The following TENM2 variants were observed in gnomAD, a reference collection of about 807,000 sequenced individuals.
The protein encoded by TENM2 is teneurin transmembrane protein 2, also known as teneurin-2.
TENM2 carries 52 observed loss-of-function variants against 245.2 expected under a neutral mutation model. That is an observed-to-expected ratio of 0.21 (90% CI 0.17 to 0.27). The LOEUF is 0.27. TENM2 is among the 10% of genes least tolerant of loss of function. The pLI, the probability that TENM2 is intolerant of heterozygous loss-of-function variation, is 1.00. For missense variants in TENM2, 3,046 were observed against 3,666.8 expected (o/e 0.83, Z 4.37); for synonymous variants, 1,363 against 1,438.9 (o/e 0.95, Z 1.19).
chr5:167,153,525 G>A, the TENM2 span, among the ~76,000 whole-genome samples: 2 of 151,960 alleles, frequency 1.3e-5, no homozygotes, highest in South Asian at 4.2e-4. Context: ...GGTGGAAGGG[G>A]AGACACGAGA....
intron 2 of TENM2, among the ~76,000 whole-genome samples, chr5:167,523,725 C>T (rs544565081): frequency 1.9e-4 from 29 of 152,234 alleles, no homozygotes; most frequent in Non-Finnish European, 3.4e-4. Context: ...ATTTCTTTAG[C>T]ACCTAATAGA....
intron 2 of TENM2, among the ~76,000 whole-genome samples, chr5:167,727,460 C>A (rs1367790093): frequency 1.3e-5 from 2 of 152,174 alleles, no homozygotes; most frequent in Non-Finnish European, 2.9e-5. Flanking sequence ...TGTCAGCTCC[C>A]CTAGGCATCT....
chr5:168,229,593 CAAAG>C (rs1554227998), intron 25 of TENM2: 2 of 150,962 alleles, frequency 1.3e-5, no homozygotes, highest in Admixed American at 1.3e-4. Flanking sequence ...AACAATGGAA[CAAAG>C]AAAGAGTTTA....
intron 2 of TENM2, among the ~76,000 whole-genome samples, chr5:167,431,612 A>C (rs1252234854): frequency 1.3e-5 from 2 of 151,980 alleles, no homozygotes; most frequent in Admixed American, 6.6e-5. Flanking sequence ...GATTGCATTC[A>C]ATCTTGAAAT....
At chr5:168,102,434 G>A (rs1793898320) in intron 9 of TENM2, among the ~76,000 whole-genome samples, 1 of 152,164 alleles carries the variant, frequency 6.6e-6, no homozygotes, top group Non-Finnish European at 1.5e-5. Flanking sequence ...AAAACTATAG[G>A]AAATGTTAGC....
In TENM2 at chr5:168,247,593, C is replaced by T; in HGVS notation, c.6654C>T (p.Asp2218=). The change falls in exon 27 of 29, where the codon GAC becomes GAT. Residue 2218 remains aspartate (D), a synonymous_variant. Coordinates refer to ENST00000518659, the Ensembl canonical transcript of TENM2. The surrounding 1 kb of genome is among the most constrained non-coding windows in gnomAD (Gnocchi z 7.8). ...AGCTCCAGAGCGTGGCCGTCAATGA[C>T]CGCCCGACCTGGCGCTACAGCTATG... The T allele has an allele frequency of 6.2e-7, 1 of 1,613,152 alleles. No homozygotes were observed. Among genetic ancestry groups the T allele is most frequent in the Non-Finnish European group, 8.5e-7 (1 of 1,179,174 alleles).
At position 167,776,593 on chromosome 5, in the gene TENM2, G is replaced by GAAA. The variant is rs869252752; in HGVS notation, c.503-99362_503-99360dup. 5.0e-4 allele frequency among the ~76,000 whole-genome samples: 18 copies of GAAA among 36,018 alleles called. 2 individuals are homozygous for GAAA. In the South Asian group the frequency reaches 5.1e-3, roughly 10 times the overall value. The allele number at this position is 36,018 out of a possible 152,430, so 23.6% of individuals were successfully genotyped here. Reference sequence around the variant, plus strand: ...TTGGGCAGCAGATGAGACCCTGTCTGAAAAAAAAAAAAAAAAAAAAAAAAA... The same window carrying GAAA: ...TTGGGCAGCAGATGAGACCCTGTCTGAAAAAAAAAAAAAAAAAAAAAAAAAAAA... On this transcript the variant is annotated intron_variant, in intron 2 of 28. Transcript: ENST00000518659.
intron 2 of TENM2, among the ~76,000 whole-genome samples, chr5:167,575,118 GAA>G (rs70976436): frequency 7.6e-6 from 1 of 132,384 alleles, no homozygotes; most frequent in African/African-American, 2.9e-5. Flanking sequence ...ATTTGAGAAA[GAA>G]AAAAAAAAAA....
At chr5:166,998,455 G>GT in the TENM2 span, among the ~76,000 whole-genome samples, 1 of 152,048 alleles carries the variant, frequency 6.6e-6, no homozygotes, top group African/African-American at 2.4e-5. Context: ...AGACTTTAAC[G>GT]TAACTACCAT....
In TENM2 at chr5:167,629,290, G is replaced by A. The variant is rs59710284; in HGVS notation, c.503-246696G>A. ...GAATTTCTTAATGTCTACATGCCTC[G>A]GTTTTCTTTTCTGTAAAATGAGGCT... On this transcript the variant is annotated intron_variant, in intron 2 of 28. Transcript: ENST00000518659. 2.7e-3 allele frequency among the ~76,000 whole-genome samples: 411 copies of A among 152,134 alleles called. 1 individual carries two copies. The highest frequency in any genetic ancestry group is 4.4e-3 in the Non-Finnish European group (297 of 67,980).
intron 2 of TENM2, among the ~76,000 whole-genome samples, chr5:167,411,061 C>A (rs983641998): frequency 6.6e-6 from 1 of 152,006 alleles, no homozygotes; most frequent in Non-Finnish European, 1.5e-5. Flanking sequence ...CTTAGAAACA[C>A]ATTGTTGTGC....
chr5:167,922,582 C>A (rs1269945024), intron 3 of TENM2, among the ~76,000 whole-genome samples: 1 of 152,236 alleles, frequency 6.6e-6, no homozygotes, highest in Non-Finnish European at 1.5e-5. Flanking sequence ...TTGCACACAT[C>A]ACTCTTGTAT....
At chr5:168,261,171 C>T (rs773713121) in intron 28 of TENM2, among the ~76,000 whole-genome samples, 3 of 152,124 alleles carry the variant, frequency 2.0e-5, no homozygotes, top group Admixed American at 6.5e-5. Flanking sequence ...ATCTAAGTGC[C>T]GTTACCTCCC....
At chr5:167,539,787 A>G (rs1202825037) in intron 2 of TENM2, among the ~76,000 whole-genome samples, 1 of 152,202 alleles carries the variant, frequency 6.6e-6, no homozygotes, top group Non-Finnish European at 1.5e-5. Context: ...AGATAATTTT[A>G]TAGAGCGGCT....
chr5:167,517,884 C>A (rs1219297899), intron 2 of TENM2, among the ~76,000 whole-genome samples: 1 of 151,822 alleles, frequency 6.6e-6, no homozygotes, highest in Middle Eastern at 3.2e-3. Flanking sequence ...CAGATCTTCC[C>A]CGTTCAAAAG....
chr5:166,982,690 G>A, the TENM2 span, among the ~76,000 whole-genome samples: 1 of 151,942 alleles, frequency 6.6e-6, no homozygotes, highest in Non-Finnish European at 1.5e-5. Flanking sequence ...CAGTAGCCCT[G>A]ATGTACTCAC....
intron 2 of TENM2, among the ~76,000 whole-genome samples, chr5:167,700,765 G>A (rs1424595214): frequency 6.6e-6 from 1 of 152,018 alleles, no homozygotes; most frequent in Non-Finnish European, 1.5e-5. Context: ...AGTTGATTGT[G>A]GATATCACAA....
At chr5:167,046,867 C>G in the TENM2 span, among the ~76,000 whole-genome samples, 2 of 151,882 alleles carry the variant, frequency 1.3e-5, no homozygotes, top group Non-Finnish European at 2.9e-5. Context: ...CCCCCCACCC[C>G]CCGACAGGCC....
intron 7 of TENM2, among the ~76,000 whole-genome samples, chr5:168,073,278 A>C (rs2152133757): frequency 6.6e-6 from 1 of 152,326 alleles, no homozygotes; most frequent in South Asian, 2.1e-4. Flanking sequence ...GGAGCATAAA[A>C]GTTGGCCACC....
Sources: allele counts gnomAD v4.1 joint callset (sites outside exome capture counted in the v4.1 genomes callset), GRCh38; gene constraint gnomAD v4.1.1; non-coding constraint Gnocchi (gnomAD v3.1); transcripts MANE v1.5; gene names NCBI Gene and HGNC (gene_info 2026-07-23, HGNC 2026-07-21).